Variants in FAM161B observed in about 807,000 individuals in gnomAD.
FAM161B encodes the protein protein FAM161B.
In FAM161B, 46 loss-of-function variants were observed where a neutral mutation model predicts 61.5. That is an observed-to-expected ratio of 0.75 (90% CI 0.59 to 0.96). The LOEUF (loss-of-function observed/expected upper bound fraction) is 0.96. Ranked by LOEUF, FAM161B falls within the 40% of genes least tolerant of loss-of-function variation. FAM161B has a pLI of 0.00. For synonymous variants in FAM161B, 284 were observed against 302.7 expected (o/e 0.94, Z 0.64); for missense variants, 774 against 800.7 (o/e 0.97, Z 0.40).
rs1489314269 is a variant in FAM161B, at chr14:73,932,596, G to C, written c.*1660C>G. ...AGGCACTCTTGCTATCAGTCATCCT[G>C]TCTCCACAGCTACTGAGAAAATATC... is the stretch of plus-strand genomic sequence containing the variant. On this transcript the variant is annotated 3_prime_UTR_variant, in exon 9 of 9. Transcript: ENST00000286544. The C allele has an allele frequency of 2.5e-6, 1 of 393,874 alleles. No individual in the cohort carries two copies. The highest frequency in any genetic ancestry group is 3.3e-5 in the Admixed American group (1 of 30,134). 24.4% of individuals were successfully genotyped at this position (393,874 alleles called of 1,614,324 possible).
chr14:73,944,309 C>A, intron 3 of FAM161B, 26 bp downstream of exon 3: 1 of 1,546,142 alleles, frequency 6.5e-7, no homozygotes. Context: ...AGGCAGGAGG[C>A]AGCAAGGTGG....
chr14:73,941,115 T>TG, intron 4 of FAM161B, 62 bp from the exon 5 acceptor site: 1 of 1,451,634 alleles, frequency 6.9e-7, no homozygotes, highest in East Asian at 2.5e-5. Context: ...TATCTTTTTT[T>TG]TTTTTTTTTT....
intron 1 of FAM161B, 84 bp from the exon 2 acceptor site, chr14:73,946,689 C>A: frequency 7.0e-7 from 1 of 1,421,904 alleles, no homozygotes; most frequent in Admixed American, 2.1e-5. Context: ...TTTGAATAAG[C>A]TTCTGTATAT....
chr14:73,938,233 TG>T, intron 5 of FAM161B, 121 bp from the exon 6 acceptor site: 1 of 1,122,188 alleles, frequency 8.9e-7, no homozygotes, highest in Non-Finnish European at 1.3e-6. Flanking sequence ...CCAAGGCAGG[TG>T]GATCACCTGA....
chr14:73,924,823 C>T, the FAM161B span: 15 of 346,024 alleles, frequency 4.3e-5, no homozygotes, highest in South Asian at 1.5e-4. Context: ...ACTACAGGTG[C>T]GTGCCACCAC....
intron 1 of FAM161B, among the ~76,000 whole-genome samples, chr14:73,948,766 A>ACACCC (rs1354138502): frequency 2.0e-5 from 3 of 151,862 alleles, no homozygotes; most frequent in African/African-American, 7.3e-5. Context: ...CTAACCCTCC[A>ACACCC]CACCCCACCC....
chr14:73,947,224 A>G (rs1566676798), intron 1 of FAM161B, among the ~76,000 whole-genome samples: 1 of 152,066 alleles, frequency 6.6e-6, no homozygotes, highest in Non-Finnish European at 1.5e-5. Context: ...CGTCTCTACA[A>G]AAATACAAAA....
downstream of FAM161B, among the ~76,000 whole-genome samples, chr14:73,926,548 C>T (rs11159046): frequency 0.34 from 51,007 of 151,892 alleles, 9,675 homozygotes; most frequent in Non-Finnish European, 0.42. Context: ...ATTCTCCTGC[C>T]TCAAGTCTCC....
the FAM161B span, chr14:73,924,871 G>A: frequency 6.1e-6 from 2 of 329,004 alleles, no homozygotes; most frequent in East Asian, 9.7e-5. Flanking sequence ...TAGAGACAGG[G>A]TTTCACCATG....
At chr14:73,942,764 T>C (rs1177594653) in intron 3 of FAM161B, 49 bp from the exon 4 acceptor site, 1 of 1,537,756 alleles carries the variant, frequency 6.5e-7, no homozygotes, top group Non-Finnish European at 8.8e-7. Context: ...GCAAGAAACC[T>C]ACAGGGTTGG....
chr14:73,946,677 G>T lies in FAM161B; in HGVS notation c.55-72C>A. Reference sequence around the variant, plus strand: ...GGTATTCAAATCATAACTTAATTTCGCTTTGAATAAGCTTCTGTATATTAG... The same window carrying T: ...GGTATTCAAATCATAACTTAATTTCTCTTTGAATAAGCTTCTGTATATTAG... On this transcript the variant is annotated intron_variant, in intron 1 of 8. Transcript: ENST00000286544. 5 of 1,498,970 alleles carry T rather than the reference G, an allele frequency of 3.3e-6. No homozygotes were observed. The South Asian group carries it at 5.1e-5, about 15-fold the overall frequency. The allele number at this position is 1,498,970 out of a possible 1,614,324, so 92.9% of individuals were successfully genotyped here. A position where few individuals can be genotyped will look rare whatever the true frequency, so the allele number is the denominator to read the frequency against.
Position 73,937,629 on chromosome 14 carries a change from C to A in FAM161B, c.1638G>T (p.Arg546Ser). 1 of 1,614,028 alleles carries A rather than the reference C, an allele frequency of 6.2e-7. No individual in the cohort carries two copies. The highest frequency in any genetic ancestry group is 1.3e-5 in the African/African-American group (1 of 75,010). Residue 546 changes from arginine (R) to serine (S), a missense_variant, in exon 7 of 9, where the codon AGG becomes AGT. Transcript: ENST00000286544. Reference protein sequence around the residue: ...LEEMKQRIQTRPYLFEQVAKD... With the variant: ...LEEMKQRIQTSPYLFEQVAKD... ...TGGCAACTTGTTCAAAGAGATAGGG[C>A]CTTGTTTGTATTCGCTGCTTCATTT...
Position 73,934,029 on chromosome 14 carries a change from C to T in FAM161B, c.*227G>A, listed in dbSNP as rs1310791547. On this transcript the variant is annotated 3_prime_UTR_variant, in exon 9 of 9. Coordinates refer to ENST00000286544, the MANE Select transcript of FAM161B (RefSeq NM_152445.3). The stretch of plus-strand genomic sequence containing the variant: ...TAGAGGTGGAGTTTTGCCGTGTTGG[C>T]TGGACTGGTCTCAAACTCCTGACCT... The T allele has an allele frequency of 4.6e-6, 2 of 433,312 alleles. No individual in the cohort carries two copies. The highest frequency in any genetic ancestry group is 8.1e-6 in the Non-Finnish European group (2 of 245,596). 26.8% of individuals were successfully genotyped at this position (433,312 alleles called of 1,614,324 possible).
At chr14:73,938,952 T>C (rs777283488) in intron 5 of FAM161B, among the ~76,000 whole-genome samples, 1 of 152,082 alleles carries the variant, frequency 6.6e-6, no homozygotes, top group African/African-American at 2.4e-5. Context: ...AGGGACACAG[T>C]GAGTTCCTAC....
chr14:73,946,610 A>C lies in FAM161B; in HGVS notation c.55-5T>G, dbSNP rs770194465. 4 of 1,610,332 alleles carry C rather than the reference A, an allele frequency of 2.5e-6. No homozygotes were observed. The Admixed American group carries it at 6.7e-5, about 27-fold the overall frequency. ...GAAGGACTCGGGGGGAAATATCTAA[A>C]ATAGAATAGAAATAGGCTGTGGGTC... On this transcript the variant is annotated splice_polypyrimidine_tract_variant and splice_region_variant and intron_variant, in intron 1 of 8. Coordinates refer to ENST00000286544, the MANE Select transcript of FAM161B (RefSeq NM_152445.3).
In FAM161B at chr14:73,944,755, T is replaced by C. The variant is rs1594778407; in HGVS notation, c.505A>G (p.Ile169Val). 4.4e-6 allele frequency: 7 copies of C among 1,596,360 alleles called. No homozygotes were observed. Among genetic ancestry groups the C allele is most frequent in the East Asian group, 4.5e-5 (2 of 44,578 alleles). ...ATGCGGAATGGCCGAGGGACAGTAA[T>C]GGATGATGCCCAGGAGCTGACGCTT... The part of the protein sequence containing the change: ...HRSVSSWASS[I>V]TVPRPFRMTL... The change falls in exon 3 of 9, where the codon ATT becomes GTT. Residue 169 changes from isoleucine (I) to valine (V), a missense_variant. Transcript: ENST00000286544.
At chr14:73,925,982 A>C in the FAM161B span, among the ~76,000 whole-genome samples, 2 of 152,198 alleles carry the variant, frequency 1.3e-5, no homozygotes, top group East Asian at 3.8e-4. Flanking sequence ...TACAGTGAGC[A>C]GTGACTGTGC....
Position 73,933,615 on chromosome 14 carries a change from T to C in FAM161B, c.*641A>G, listed in dbSNP as rs146079742. On this transcript the variant is annotated 3_prime_UTR_variant, in exon 9 of 9. Coordinates refer to ENST00000286544, the MANE Select transcript of FAM161B (RefSeq NM_152445.3). ...TCCAGCAGGATTTGATACTTTCCAG[T>C]GTCTACTATCTCCTACTGTCTACAC... 1 of 152,254 alleles carries C rather than the reference T, an allele frequency of 6.6e-6. No homozygotes were observed. The highest frequency in any genetic ancestry group is 1.5e-5 in the Non-Finnish European group (1 of 68,058). 9.4% of individuals were successfully genotyped at this position (152,254 alleles called of 1,614,324 possible).
chr14:73,944,612 G>C lies in FAM161B; in HGVS notation c.648C>G (p.Phe216Leu), dbSNP rs756378988. ...CATGTGCAGGCACAGGCTGTGCCCG[G>C]AACTGCCTGTGGCACTCGGCCTCTT... ...GEEEAECHRQ[F>L]RAQPVPAHVY... Residue 216 changes from phenylalanine to leucine, a missense_variant, in exon 3 of 9, where the codon TTC becomes TTG. Coordinates refer to ENST00000286544, the MANE Select transcript of FAM161B (RefSeq NM_152445.3). The C allele has an allele frequency of 3.1e-6, 5 of 1,614,034 alleles. No homozygotes were observed. Among genetic ancestry groups the C allele is most frequent in the Non-Finnish European group, 2.5e-6 (3 of 1,180,030 alleles).
Sources: allele counts gnomAD v4.1 joint callset (sites outside exome capture counted in the v4.1 genomes callset), GRCh38; gene constraint gnomAD v4.1.1; transcripts MANE v1.5; gene names NCBI Gene and HGNC (gene_info 2026-07-23, HGNC 2026-07-21).